The following NFATC1 variants were observed in gnomAD, a reference collection of about 807,000 sequenced individuals.
NFATC1 encodes nuclear factor of activated T-cells, cytoplasmic 1.
In NFATC1, 22 loss-of-function variants were observed where a neutral mutation model predicts 76.0. The observed-to-expected ratio is 0.29, with a 90% confidence interval of 0.21 to 0.41. NFATC1 has a LOEUF of 0.41. Among genes scored for constraint, NFATC1 ranks in the 10% least tolerant of loss-of-function variants. The pLI, the probability that NFATC1 is intolerant of heterozygous loss-of-function variation, is 1.00. For synonymous variants in NFATC1, 704 were observed against 613.1 expected (o/e 1.15, Z -2.19); for missense variants, 1,357 against 1,337.7 (o/e 1.01, Z -0.23).
intron 9 of NFATC1, among the ~76,000 whole-genome samples, chr18:79,512,155 C>A (rs2090269234): frequency 6.6e-6 from 1 of 152,098 alleles, no homozygotes; most frequent in African/African-American, 2.4e-5. Flanking sequence ...CCCCAGGACG[C>A]AGCCTGACCC....
chr18:79,466,136 C>G (rs1226865536), intron 7 of NFATC1, among the ~76,000 whole-genome samples: 1 of 152,198 alleles, frequency 6.6e-6, no homozygotes, highest in African/African-American at 2.4e-5. Flanking sequence ...GTCTGGGCCT[C>G]AGCTGTTTCA....
At chr18:79,451,333 C>G (rs977960776) in intron 5 of NFATC1, among the ~76,000 whole-genome samples, 4 of 152,246 alleles carry the variant, frequency 2.6e-5, no homozygotes, top group African/African-American at 9.6e-5. Flanking sequence ...GGCGCTGGCT[C>G]CTCTGATGGC....
chr18:79,408,464 AT>A (rs887863084), intron 1 of NFATC1, among the ~76,000 whole-genome samples: 4 of 152,232 alleles, frequency 2.6e-5, no homozygotes, highest in Non-Finnish European at 5.9e-5. Flanking sequence ...TTTAAAAAAT[AT>A]TTTATTGAGT....
chr18:79,489,314 C>T lies in NFATC1; in HGVS notation c.2782+2377C>T, dbSNP rs144690220. On this transcript the variant is annotated intron_variant, in intron 9 of 9. Transcript: ENST00000427363. ...GGTCTTGGGGAGGGGAGTGCACAGA[C>T]GACTCCCTGACACATGGAAGGGCTG... Among the ~76,000 whole-genome samples the T allele has an allele frequency of 3.6e-4, 55 of 152,242 alleles. No homozygotes were observed. The East Asian group carries it at 0.01, about 28-fold the overall frequency.
chr18:79,401,518 G>A (rs2085256018), intron 1 of NFATC1, among the ~76,000 whole-genome samples: 2 of 152,362 alleles, frequency 1.3e-5, no homozygotes, highest in African/African-American at 2.4e-5. Flanking sequence ...GAGGGTGGGA[G>A]AGAGACCCGC....
chr18:79,520,964 TGG>T (rs1444681394), intron 9 of NFATC1, among the ~76,000 whole-genome samples: 5 of 78,054 alleles, frequency 6.4e-5, no homozygotes, highest in African/African-American at 1.1e-4. Flanking sequence ...TGTCTGTGTG[TGG>T]GGGGGCATCC....
intron 8 of NFATC1, among the ~76,000 whole-genome samples, chr18:79,481,322 A>G (rs2089263503): frequency 6.6e-6 from 1 of 152,266 alleles, no homozygotes. Flanking sequence ...CCAGCTCTGT[A>G]GTCTCCAGAC....
At chr18:79,426,828 C>T (rs1466845411) in intron 2 of NFATC1, among the ~76,000 whole-genome samples, 1 of 152,216 alleles carries the variant, frequency 6.6e-6, no homozygotes, top group African/African-American at 2.4e-5. Context: ...GGGGCTGCCC[C>T]ATAGCAGCCA....
chr18:79,523,765 T>G (rs746671633), intron 9 of NFATC1, among the ~76,000 whole-genome samples: 1 of 152,104 alleles, frequency 6.6e-6, no homozygotes, highest in African/African-American at 2.4e-5. Context: ...GAAAAAACAA[T>G]AGTTTCCACC....
At chr18:79,401,163 C>CCCTGGGCCTGGGCCCT (rs1224217188) in intron 1 of NFATC1, among the ~76,000 whole-genome samples, 23 of 149,568 alleles carry the variant, frequency 1.5e-4, no homozygotes, top group African/African-American at 5.4e-4. Flanking sequence ...GCCTGGGCCC[C>CCCTGGGCCTGGGCCCT]TCTCCCGCTG....
chr18:79,405,801 G>A (rs533475729), intron 1 of NFATC1, among the ~76,000 whole-genome samples: 5 of 152,288 alleles, frequency 3.3e-5, no homozygotes, highest in African/African-American at 4.8e-5. Flanking sequence ...TTGCCTCATC[G>A]AATCAGGTTT....
rs775601203 is a variant in NFATC1 at position 79,524,581 on chromosome 18, C to T, written c.2783-2947C>T. Reference sequence around the variant, plus strand: ...TGGGACGGGGTCGGCCCACACGCACCGCCAGCCCGCAGGAGTGAGGTGCAG... The same window carrying T: ...TGGGACGGGGTCGGCCCACACGCACTGCCAGCCCGCAGGAGTGAGGTGCAG... On this transcript the variant is annotated intron_variant, in intron 9 of 9. Coordinates refer to ENST00000427363, the MANE Select transcript of NFATC1 (RefSeq NM_001278669.2). The surrounding 1 kb of genome is among the most constrained non-coding windows in gnomAD (Gnocchi z 7.2). Among the ~76,000 whole-genome samples, 138 of 152,308 alleles carry T rather than the reference C, an allele frequency of 9.1e-4. No homozygotes were observed. Among genetic ancestry groups the T allele is most frequent in the Non-Finnish European group, 1.3e-3 (89 of 67,996 alleles).
intron 9 of NFATC1, among the ~76,000 whole-genome samples, chr18:79,487,748 G>A (rs1341546833): frequency 2.0e-5 from 3 of 152,194 alleles, no homozygotes; most frequent in African/African-American, 7.2e-5. Context: ...GGGCGTGCCC[G>A]TGGCCCTGGT....
chr18:79,404,075 C>T lies in NFATC1; in HGVS notation c.128-6328C>T, dbSNP rs533956608. Among the ~76,000 whole-genome samples the T allele has an allele frequency of 3.4e-4, 52 of 152,306 alleles. 1 individual carries two copies. The South Asian group carries it at 0.01, about 30-fold the overall frequency. ...TGTGTCGTGTTTTTCAAAGGAAGAT[C>T]TCAGCTAGCCATGAACAACTTGGAT... On this transcript the variant is annotated intron_variant, in intron 1 of 9. Coordinates refer to ENST00000427363, the MANE Select transcript of NFATC1 (RefSeq NM_001278669.2).
chr18:79,528,167 CT>C lies in NFATC1; in HGVS notation c.*592del. On this transcript the variant is annotated 3_prime_UTR_variant, in exon 10 of 10. Transcript: ENST00000427363. ...TGCCTTACACAGTGCATTTTAGAAT[CT>C]TCCAGTCTGTCATCTCAGCTCTTTT... The C allele has an allele frequency of 2.6e-6, 1 of 383,316 alleles. No individual in the cohort carries two copies. 23.7% of individuals were successfully genotyped at this position (383,316 alleles called of 1,614,324 possible).
At chr18:79,427,714 G>GTA in intron 2 of NFATC1, among the ~76,000 whole-genome samples, 1 of 105,618 alleles carries the variant, frequency 9.5e-6, no homozygotes, top group Non-Finnish European at 2.0e-5. Context: ...GGTGGGGTTG[G>GTA]GGGGGTGCTG....
chr18:79,440,584 G>A (rs1458005556), intron 3 of NFATC1, among the ~76,000 whole-genome samples: 4 of 152,196 alleles, frequency 2.6e-5, no homozygotes, highest in Non-Finnish European at 4.4e-5. Flanking sequence ...GTGACCGAGG[G>A]TGGTGTTGGC....
chr18:79,510,474 C>T (rs1331290575), intron 9 of NFATC1, among the ~76,000 whole-genome samples: 2 of 152,174 alleles, frequency 1.3e-5, no homozygotes, highest in Admixed American at 6.5e-5. Flanking sequence ...ATGGCACCTG[C>T]GTGGTTGCCA....
chr18:79,460,534 G>A (rs570856520), intron 6 of NFATC1, among the ~76,000 whole-genome samples: 334 of 152,324 alleles, frequency 2.2e-3, no homozygotes, highest in Non-Finnish European at 3.8e-3. Flanking sequence ...AGAGCACAAC[G>A]CGTCCTTTCA....
Sources: allele counts gnomAD v4.1 joint callset (sites outside exome capture counted in the v4.1 genomes callset), GRCh38; gene constraint gnomAD v4.1.1; non-coding constraint Gnocchi (gnomAD v3.1); transcripts MANE v1.5; gene names NCBI Gene and HGNC (gene_info 2026-07-23, HGNC 2026-07-21).